Variants in ZNF618 observed in about 807,000 individuals in gnomAD.
ZNF618 encodes zinc finger protein 618.
In ZNF618, 34 loss-of-function variants were observed where a neutral mutation model predicts 103.0. That is an observed-to-expected ratio of 0.33 (90% CI 0.25 to 0.44). The LOEUF is 0.44. ZNF618 is among the 20% of genes least tolerant of loss of function. ZNF618 has a pLI of 1.00. For missense variants in ZNF618, 1,059 were observed against 1,295.4 expected (o/e 0.82, Z 2.80); for synonymous variants, 551 against 542.2 (o/e 1.02, Z -0.23).
intron 1 of ZNF618, among the ~76,000 whole-genome samples, chr9:113,934,934 C>T (rs1045556353): frequency 2.0e-5 from 3 of 152,180 alleles, no homozygotes; most frequent in Admixed American, 6.5e-5. Context: ...ATGAAGGAGC[C>T]GTGCAGGATG....
chr9:114,026,755 C>T (rs966989739), intron 10 of ZNF618, among the ~76,000 whole-genome samples: 4 of 152,142 alleles, frequency 2.6e-5, no homozygotes, highest in Non-Finnish European at 4.4e-5. Flanking sequence ...TAGATACTTA[C>T]ATTTGAAGAG....
At chr9:113,903,096 A>G (rs1307240576) in intron 1 of ZNF618, among the ~76,000 whole-genome samples, 1 of 152,214 alleles carries the variant, frequency 6.6e-6, no homozygotes, top group African/African-American at 2.4e-5. Flanking sequence ...GTAAGTCATA[A>G]AATCACTTTG....
intron 1 of ZNF618, among the ~76,000 whole-genome samples, chr9:113,902,640 GCT>G (rs2131285283): frequency 6.6e-6 from 1 of 152,162 alleles, no homozygotes. Flanking sequence ...TTGTGCCTCT[GCT>G]CTGTTTTTGA....
chr9:113,928,510 C>T (rs76449139), intron 1 of ZNF618, among the ~76,000 whole-genome samples: 8,587 of 152,202 alleles, frequency 0.056, 391 homozygotes, highest in African/African-American at 0.12. Flanking sequence ...CCTGACGTAT[C>T]TATTAATAGA....
At chr9:113,972,346 C>T (rs1196089487) in intron 2 of ZNF618, among the ~76,000 whole-genome samples, 2 of 152,100 alleles carry the variant, frequency 1.3e-5, no homozygotes, top group African/African-American at 4.8e-5. Flanking sequence ...ACCATGCCCA[C>T]CCTTTATTTA....
At chr9:114,047,814 C>T (rs919510968) in intron 13 of ZNF618, 79 bp from the exon 14 acceptor site, 16 of 1,272,190 alleles carry the variant, frequency 1.3e-5, no homozygotes, top group Non-Finnish European at 1.8e-5. Context: ...CTGTTACCCA[C>T]CACACTCTAG....
intron 1 of ZNF618, among the ~76,000 whole-genome samples, chr9:113,891,000 G>A (rs1829570208): frequency 6.6e-6 from 1 of 152,118 alleles, no homozygotes; most frequent in Non-Finnish European, 1.5e-5. Context: ...TTGGATTTTG[G>A]AGATATTGAC....
intron 3 of ZNF618, among the ~76,000 whole-genome samples, chr9:113,992,286 A>G (rs1227599855): frequency 6.6e-6 from 1 of 152,182 alleles, no homozygotes; most frequent in Non-Finnish European, 1.5e-5. Flanking sequence ...AGAGGGGCAG[A>G]CAAGGCCTGA....
rs556716393 is a variant in ZNF618 at position 114,054,722 on chromosome 9, C to T, written c.*4555C>T. The T allele has an allele frequency of 6.5e-6, 1 of 152,834 alleles. No individual in the cohort carries two copies. Among genetic ancestry groups the T allele is most frequent in the South Asian group, 2.1e-4 (1 of 4,826 alleles). The allele number at this position is 152,834 out of a possible 1,614,324, so 9.5% of individuals were successfully genotyped here. A position where few individuals can be genotyped will look rare whatever the true frequency, so the allele number is the denominator to read the frequency against. The stretch of plus-strand genomic sequence containing the variant: ...CAGTGTTTTCCCTCTTAACGTTCCC[C>T]TCCTGGTTTTGCCTTTTCAGGGTTT... On this transcript the variant is annotated 3_prime_UTR_variant, in exon 15 of 15. Transcript: ENST00000374126.
intron 1 of ZNF618, among the ~76,000 whole-genome samples, chr9:113,911,717 T>C (rs1831565681): frequency 1.3e-5 from 2 of 152,186 alleles, no homozygotes; most frequent in Non-Finnish European, 2.9e-5. Context: ...AGATTCCTGT[T>C]TCCCAGTGTT....
chr9:114,001,873 G>A, intron 4 of ZNF618, 123 bp from the exon 5 acceptor site: 1 of 846,494 alleles, frequency 1.2e-6, no homozygotes, highest in East Asian at 2.5e-5. Context: ...CTGCCTCCTT[G>A]CCAGGGACCA....
At chr9:114,025,741 C>T (rs1843442093) in intron 10 of ZNF618, among the ~76,000 whole-genome samples, 1 of 152,018 alleles carries the variant, frequency 6.6e-6, no homozygotes. Flanking sequence ...ACCTTTGGGA[C>T]CACTGGGAGG....
chr9:114,003,737 G>A (rs577516379), intron 6 of ZNF618, among the ~76,000 whole-genome samples: 2 of 152,312 alleles, frequency 1.3e-5, no homozygotes, highest in South Asian at 4.1e-4. Context: ...GCTGGGTGCT[G>A]GTTACCTGGG....
At chr9:114,034,505 C>T (rs1031843875) in intron 12 of ZNF618, among the ~76,000 whole-genome samples, 1 of 152,190 alleles carries the variant, frequency 6.6e-6, no homozygotes, top group Non-Finnish European at 1.5e-5. Context: ...GTGTTCAGAG[C>T]TTTATATGTC....
rs116058563 is a variant in ZNF618 at position 114,028,233 on chromosome 9, G to A, written c.845-500G>A. 4.8e-3 allele frequency: 759 copies of A among 159,638 alleles called. 4 individuals carry two copies. Among genetic ancestry groups the A allele is most frequent in the African/African-American group, 0.018 (739 of 41,624 alleles). 9.9% of individuals were successfully genotyped at this position (159,638 alleles called of 1,614,324 possible). A position where few individuals can be genotyped will look rare whatever the true frequency, so the allele number is the denominator to read the frequency against. On this transcript the variant is annotated intron_variant, in intron 10 of 14. Transcript: ENST00000374126. ...CGTCAGGTGTCCCATGAGAGCAACA[G>A]TTCCCAGTCAGTGCCCACAAGGCAC...
intron 10 of ZNF618, among the ~76,000 whole-genome samples, chr9:114,019,907 A>G (rs535105618): frequency 8.7e-4 from 132 of 152,302 alleles, no homozygotes; most frequent in Middle Eastern, 3.4e-3. Flanking sequence ...TACCTCAAGG[A>G]TATCCTTGCC....
intron 9 of ZNF618, among the ~76,000 whole-genome samples, chr9:114,014,393 T>C (rs982810959): frequency 2.0e-5 from 3 of 152,228 alleles, no homozygotes; most frequent in African/African-American, 7.2e-5. Flanking sequence ...TGGGTTTTTA[T>C]AGCACTGCAT....
At chr9:113,983,906 T>C (rs1171048458) in intron 2 of ZNF618, among the ~76,000 whole-genome samples, 1 of 152,164 alleles carries the variant, frequency 6.6e-6, no homozygotes, top group Non-Finnish European at 1.5e-5. Context: ...GCTGTTCCAG[T>C]GGGCCCCGGG....
In ZNF618 at chr9:114,038,519, C is replaced by T. The variant is rs1391887441; in HGVS notation, c.1246+2142C>T. Among the ~76,000 whole-genome samples the T allele has an allele frequency of 2.0e-5, 3 of 152,180 alleles. No homozygotes were observed. The East Asian group carries it at 5.8e-4, about 29-fold the overall frequency. ...GAGAGAAATTAAGCATCATGAGCTG[C>T]GCAGTTCACAGCGCCGACGATAAGG... On this transcript the variant is annotated intron_variant, in intron 13 of 14. Coordinates refer to ENST00000374126, the MANE Select transcript of ZNF618 (RefSeq NM_001318042.2).
Sources: gnomAD v4.1 joint callset for allele counts (sites outside exome capture counted in the v4.1 genomes callset) on GRCh38, gnomAD v4.1.1 for gene constraint, MANE v1.5 for transcripts, NCBI Gene and HGNC (gene_info 2026-07-23, HGNC 2026-07-21) for gene names.